The following UHRF2 variants were observed in gnomAD, a reference collection of about 807,000 sequenced individuals.
UHRF2 encodes the protein ubiquitin like with PHD and ring finger domains 2.
In UHRF2, 23 loss-of-function variants were observed where a neutral mutation model predicts 96.8. That is an observed-to-expected ratio of 0.24 (90% CI 0.17 to 0.34). The LOEUF (loss-of-function observed/expected upper bound fraction) is 0.34. Ranked by LOEUF, UHRF2 falls within the 10% of genes least tolerant of loss-of-function variation. The pLI is 1.00. For synonymous variants in UHRF2, 385 were observed against 332.6 expected (o/e 1.16, Z -1.72); for missense variants, 685 against 981.5 (o/e 0.70, Z 4.04).
intron 4 of UHRF2, among the ~76,000 whole-genome samples, chr9:6,466,932 C>G (rs1261033236): frequency 1.3e-5 from 2 of 152,188 alleles, no homozygotes; most frequent in African/African-American, 2.4e-5. Context: ...ACATACATAC[C>G]AGACATAAGC....
At chr9:6,436,990 T>C (rs1465168156) in intron 3 of UHRF2, among the ~76,000 whole-genome samples, 1 of 152,218 alleles carries the variant, frequency 6.6e-6, no homozygotes, top group Non-Finnish European at 1.5e-5. Context: ...GAAAGGACTA[T>C]ATAAAATATG....
At chr9:6,504,466 A>G (rs1427664924) in intron 14 of UHRF2, 127 bp from the exon 15 acceptor site, 14 of 605,250 alleles carry the variant, frequency 2.3e-5, no homozygotes, top group Non-Finnish European at 3.5e-5. Context: ...ATCACTATAA[A>G]CATCTTTTAT....
At chr9:6,421,274 A>G (rs748374349) in intron 2 of UHRF2, 132 bp downstream of exon 2, 24 of 715,562 alleles carry the variant, frequency 3.4e-5, no homozygotes, top group Non-Finnish European at 5.3e-5. Context: ...CATAACTTTT[A>G]AAAGTAGTCT....
At chr9:6,500,002 C>CAACA in intron 13 of UHRF2, 71 bp downstream of exon 13, 2 of 1,225,712 alleles carry the variant, frequency 1.6e-6, no homozygotes, top group Non-Finnish European at 2.3e-6. Flanking sequence ...GACGGGGTCT[C>CAACA]ACTCTTGTCA....
In UHRF2 at chr9:6,420,978, C is replaced by T. The variant is rs937456477; in HGVS notation, c.220C>T (p.Arg74Cys). The change falls in exon 2 of 16, where the codon CGC (arginine) becomes TGC (cysteine). Residue 74 changes from arginine to cysteine, a missense_variant. By Grantham distance (180) the Arg-to-Cys change is radical (BLOSUM62 -3). Coordinates refer to ENST00000276893, the MANE Select transcript of UHRF2 (RefSeq NM_152896.3). The part of the protein sequence containing the change: ...GLNDIIQLLV[R>C]PDPDHLPGTS... ...GAATGATATAATTCAGCTGCTAGTT[C>T]GCCCAGACCCTGATCATCTTCCTGG... 3 of 1,614,084 alleles carry T rather than the reference C, an allele frequency of 1.9e-6. No individual in the cohort carries two copies. The highest frequency in any genetic ancestry group is 2.5e-6 in the Non-Finnish European group (3 of 1,180,000).
chr9:6,421,097 A>G lies in UHRF2; in HGVS notation c.339A>G (p.Thr113=), dbSNP rs1174338537. ...PRVGPSNQPS[T]SARARLIDPG... ...TAGGACCTTCCAATCAGCCATCTAC[A>G]TCAGCTCGTGCCCGTCTTATTGATC... The change falls in exon 2 of 16, where the codon ACA becomes ACG. Residue 113 remains threonine, a synonymous_variant. Coordinates refer to ENST00000276893, the MANE Select transcript of UHRF2 (RefSeq NM_152896.3). The G allele has an allele frequency of 2.5e-6, 4 of 1,614,018 alleles. No homozygotes were observed. The highest frequency in any genetic ancestry group is 2.2e-5 in the South Asian group (2 of 91,082).
chr9:6,473,073 TC>T (rs1823346508), intron 4 of UHRF2, among the ~76,000 whole-genome samples: 1 of 152,176 alleles, frequency 6.6e-6, no homozygotes, highest in Admixed American at 6.5e-5. Context: ...GAAATACCTT[TC>T]CCACTGAAAG....
At chr9:6,454,180 TG>T (rs972519709) in intron 3 of UHRF2, among the ~76,000 whole-genome samples, 1 of 152,176 alleles carries the variant, frequency 6.6e-6, no homozygotes, top group African/African-American at 2.4e-5. Flanking sequence ...GTATACACAG[TG>T]GCCAGAAGCT....
chr9:6,463,423 G>A (rs1325622945), intron 4 of UHRF2, among the ~76,000 whole-genome samples: 2 of 151,668 alleles, frequency 1.3e-5, no homozygotes, highest in African/African-American at 4.8e-5. Context: ...TACTAGAAAC[G>A]TTAGGAACAC....
chr9:6,492,222 A>G (rs1420813077), intron 9 of UHRF2: 3 of 498,786 alleles, frequency 6.0e-6, no homozygotes, highest in African/African-American at 2.0e-5. Flanking sequence ...TTTAAATACT[A>G]TTTAGCTTAC....
intron 2 of UHRF2, among the ~76,000 whole-genome samples, chr9:6,430,876 C>T (rs1021219853): frequency 6.6e-6 from 1 of 152,170 alleles, no homozygotes; most frequent in South Asian, 2.1e-4. Context: ...CTTTCAGTGG[C>T]ATTGGCTTCT....
At chr9:6,430,711 T>C (rs977363895) in intron 2 of UHRF2, among the ~76,000 whole-genome samples, 46 of 152,106 alleles carry the variant, frequency 3.0e-4, no homozygotes, top group Admixed American at 1.6e-3. Context: ...CCACTGACAT[T>C]ATTCAAACTA....
chr9:6,468,909 C>G (rs958788003), intron 4 of UHRF2, among the ~76,000 whole-genome samples: 1 of 152,206 alleles, frequency 6.6e-6, no homozygotes, highest in Non-Finnish European at 1.5e-5. Context: ...ACCACATTAT[C>G]TCTCCAGCAG....
At chr9:6,487,264 C>T (rs1475615842) in intron 9 of UHRF2, among the ~76,000 whole-genome samples, 2 of 143,560 alleles carry the variant, frequency 1.4e-5, no homozygotes, top group Admixed American at 7.3e-5. Flanking sequence ...ATCTCAGCTC[C>T]CTGCAACCTC....
rs979361255 is a variant in UHRF2, at chr9:6,416,135, C to T, written c.153+2492C>T. Among the ~76,000 whole-genome samples the T allele has an allele frequency of 1.4e-4, 21 of 152,088 alleles. No individual in the cohort carries two copies. In the South Asian group the frequency reaches 3.1e-3, roughly 23 times the overall value. ...CCAGGCTGGAGTGGCGCGATCTCGG[C>T]TTACTACAACCTCTGCCTCCCGGGT... On this transcript the variant is annotated intron_variant, in intron 1 of 15. Transcript: ENST00000276893.
rs1819415356 is a variant in UHRF2 at position 6,413,583 on chromosome 9, G to A, written c.93G>A (p.Arg31=). The A allele has an allele frequency of 2.5e-6, 4 of 1,603,822 alleles. No individual in the cohort carries two copies. In the African/African-American group the frequency reaches 4.1e-5, roughly 16 times the overall value. ...RKATIEELRE[R]VWALFDVRPE... ...CCACGATTGAGGAGCTGCGCGAGCG[G>A]GTGTGGGCGCTGTTCGACGTGCGGC... The change falls in exon 1 of 16, where the codon CGG becomes CGA. Residue 31 remains arginine (R), a synonymous_variant. Transcript: ENST00000276893.
At chr9:6,435,649 C>G (rs1820799897) in intron 3 of UHRF2, among the ~76,000 whole-genome samples, 1 of 152,128 alleles carries the variant, frequency 6.6e-6, no homozygotes, top group Non-Finnish European at 1.5e-5. Context: ...CTCTGTCACC[C>G]AGGCTGGAGT....
intron 2 of UHRF2, among the ~76,000 whole-genome samples, chr9:6,421,741 G>T (rs1471876958): frequency 2.0e-5 from 3 of 152,150 alleles, no homozygotes; most frequent in African/African-American, 7.2e-5. Context: ...AAAGCCTCGT[G>T]TGTGTCCCTA....
At chr9:6,421,775 C>G (rs533073482) in intron 2 of UHRF2, among the ~76,000 whole-genome samples, 3 of 152,212 alleles carry the variant, frequency 2.0e-5, no homozygotes, top group East Asian at 1.9e-4. Context: ...CTCTGTGTCT[C>G]CCTAAGAGGT....
Sources: gnomAD v4.1 joint callset for allele counts (sites outside exome capture counted in the v4.1 genomes callset) on GRCh38, gnomAD v4.1.1 for gene constraint, MANE v1.5 for transcripts, NCBI Gene and HGNC (gene_info 2026-07-23, HGNC 2026-07-21) for gene names.